SFMBT1: variants seen among roughly 807,000 people sequenced by gnomAD.
The protein encoded by SFMBT1 is scm-like with four MBT domains protein 1.
Under a neutral mutation model 108.7 loss-of-function variants are expected in SFMBT1, and 32 were observed. That is an observed-to-expected ratio of 0.29 (90% CI 0.22 to 0.40). The LOEUF is 0.40. Among genes scored for constraint, SFMBT1 ranks in the 10% least tolerant of loss-of-function variants. The probability of loss-of-function intolerance (pLI) is 1.00; values close to 1 mark genes in which losing one functional copy is unlikely to be tolerated. For missense variants in SFMBT1, 816 were observed against 1,059.6 expected (o/e 0.77, Z 3.19); for synonymous variants, 348 against 369.5 (o/e 0.94, Z 0.67).
intron 12 of SFMBT1, among the ~76,000 whole-genome samples, chr3:52,919,459 G>T (rs374560550): frequency 1.3e-5 from 2 of 152,188 alleles, no homozygotes; most frequent in African/African-American, 4.8e-5. Context: ...GAAATGTCTA[G>T]AACAGGCAAA....
At chr3:52,972,399 T>C (rs1341896341) in intron 1 of SFMBT1, among the ~76,000 whole-genome samples, 2 of 152,206 alleles carry the variant, frequency 1.3e-5, no homozygotes, top group African/African-American at 4.8e-5. Context: ...TCTTCTGCTG[T>C]GGAACATCTG....
Position 52,918,527 on chromosome 3 carries a change from C to A in SFMBT1, c.1373-1G>T. 1 of 1,531,948 alleles carries A rather than the reference C, an allele frequency of 6.5e-7. No homozygotes were observed. The highest frequency in any genetic ancestry group is 2.4e-5 in the East Asian group (1 of 42,240). The allele number at this position is 1,531,948 out of a possible 1,614,324, so 94.9% of individuals were successfully genotyped here. A position where few individuals can be genotyped will look rare whatever the true frequency, so the allele number is the denominator to read the frequency against. ...ACTGCAATTTTCCTCTGTTTATATACTGTAGAAAGAAAAAAATATATAAAT... is the reference window on the plus strand; with the variant it reads ...ACTGCAATTTTCCTCTGTTTATATAATGTAGAAAGAAAAAAATATATAAAT... On this transcript the variant is annotated splice_acceptor_variant, in intron 12 of 20. Transcript: ENST00000394752. LOFTEE classifies it high-confidence loss of function.
intron 1 of SFMBT1, among the ~76,000 whole-genome samples, chr3:53,012,527 C>T (rs1048859879): frequency 1.3e-5 from 2 of 152,030 alleles, no homozygotes; most frequent in Non-Finnish European, 2.9e-5. Flanking sequence ...CTCAGCCTCC[C>T]GAGTAGCTGG....
At chr3:53,045,502 G>C (rs1700202092) in intron 1 of SFMBT1, among the ~76,000 whole-genome samples, 1 of 143,792 alleles carries the variant, frequency 7.0e-6, no homozygotes, top group Admixed American at 6.9e-5. Flanking sequence ...GCCTGCCAGG[G>C]GCTGACGGCC....
At chr3:52,999,216 C>A (rs1199347091) in intron 1 of SFMBT1, among the ~76,000 whole-genome samples, 1 of 150,816 alleles carries the variant, frequency 6.6e-6, no homozygotes, top group Non-Finnish European at 1.5e-5. Flanking sequence ...CGACTGGCTG[C>A]TGGGTCAAGG....
intron 14 of SFMBT1, among the ~76,000 whole-genome samples, chr3:52,915,649 AAGGCTTGAACCTCC>A (rs1302175962): frequency 3.3e-5 from 5 of 152,214 alleles, no homozygotes; most frequent in African/African-American, 1.2e-4. Context: ...CCCTGGACAA[AAGGCTTGAACCTCC>A]AGCAAGGATT....
intron 4 of SFMBT1, among the ~76,000 whole-genome samples, chr3:52,942,360 C>A (rs1703211250): frequency 6.6e-6 from 1 of 152,054 alleles, no homozygotes; most frequent in Admixed American, 6.5e-5. Flanking sequence ...GCAGTGGAGA[C>A]AAGATAAAGT....
chr3:52,921,963 C>T (rs1400402842), intron 10 of SFMBT1, 132 bp from the exon 11 acceptor site: 1 of 932,016 alleles, frequency 1.1e-6, no homozygotes. Flanking sequence ...CATTGTTTTG[C>T]TTTTTAATGA....
chr3:52,954,351 C>A lies in SFMBT1; in HGVS notation c.89G>T (p.Gly30Val), dbSNP rs746062679. ...LSWEDYLEET[G>V]STAVPYGSFK... ...AGACCCATAGGGAACTGCTGTGGAC[C>A]CTGTTTCTTCTAGATAATCTTCCCA... The change falls in exon 3 of 21, where the codon GGG becomes GTG. Residue 30 changes from glycine to valine, a missense_variant. Gly to Val is a moderately radical substitution (Grantham distance 109, BLOSUM62 -3). Around this residue, in one of 5 missense-constraint regions of SFMBT1, gnomAD observed 495 missense variants for 607.4 expected, o/e 0.81. Coordinates refer to ENST00000394752, the MANE Select transcript of SFMBT1 (RefSeq NM_016329.4). 8 of 1,613,714 alleles carry A rather than the reference C, an allele frequency of 5.0e-6. No individual in the cohort carries two copies. The highest frequency in any genetic ancestry group is 3.3e-4 in the Middle Eastern group (2 of 6,060).
chr3:52,958,667 C>T (rs1703863688), intron 2 of SFMBT1, among the ~76,000 whole-genome samples: 1 of 152,142 alleles, frequency 6.6e-6, no homozygotes, highest in African/African-American at 2.4e-5. Flanking sequence ...AACACTTTTA[C>T]ACTGTTGGTG....
intron 12 of SFMBT1, among the ~76,000 whole-genome samples, chr3:52,920,103 C>A (rs764023869): frequency 6.6e-6 from 1 of 152,238 alleles, no homozygotes; most frequent in Non-Finnish European, 1.5e-5. Flanking sequence ...AATCTGCCAA[C>A]GCCTGGATCT....
chr3:52,972,529 TATTAA>T (rs1704378897), intron 1 of SFMBT1, among the ~76,000 whole-genome samples: 2 of 152,324 alleles, frequency 1.3e-5, no homozygotes, highest in African/African-American at 4.8e-5. Context: ...TTCCTGTTCA[TATTAA>T]ATTGTCTTAC....
At chr3:53,036,654 C>G (rs1699879286) in intron 1 of SFMBT1, among the ~76,000 whole-genome samples, 1 of 152,216 alleles carries the variant, frequency 6.6e-6, no homozygotes, top group South Asian at 2.1e-4. Flanking sequence ...TAGAGGAGCA[C>G]AGGAGCTAGA....
At chr3:53,000,561 A>C (rs1698511981) in intron 1 of SFMBT1, among the ~76,000 whole-genome samples, 1 of 149,952 alleles carries the variant, frequency 6.7e-6, no homozygotes, top group Non-Finnish European at 1.5e-5. Context: ...ATAAATACAT[A>C]TATATGCCTA....
At chr3:53,040,957 A>C (rs1700024024) in intron 1 of SFMBT1, among the ~76,000 whole-genome samples, 1 of 120,616 alleles carries the variant, frequency 8.3e-6, no homozygotes, top group Non-Finnish European at 1.8e-5. Flanking sequence ...GGCATGCACC[A>C]AGACACCTGA....
chr3:52,943,235 A>C, intron 4 of SFMBT1, 118 bp downstream of exon 4: 2 of 1,196,904 alleles, frequency 1.7e-6, no homozygotes, highest in Non-Finnish European at 2.4e-6. Flanking sequence ...CAAAATGCTA[A>C]CCTAGAAAAG....
At chr3:52,979,513 T>C (rs76239534) in intron 1 of SFMBT1, among the ~76,000 whole-genome samples, 3 of 152,318 alleles carry the variant, frequency 2.0e-5, no homozygotes, top group East Asian at 3.9e-4. Context: ...GAGGTTTTCA[T>C]GGGACAGACC....
intron 1 of SFMBT1, among the ~76,000 whole-genome samples, chr3:53,035,080 G>T (rs998945003): frequency 6.6e-6 from 1 of 152,248 alleles, no homozygotes; most frequent in Non-Finnish European, 1.5e-5. Flanking sequence ...GGATTTACAG[G>T]AGAGTGGGTT....
At chr3:52,983,630 G>A (rs934346838) in intron 1 of SFMBT1, among the ~76,000 whole-genome samples, 1 of 152,238 alleles carries the variant, frequency 6.6e-6, no homozygotes, top group African/African-American at 2.4e-5. Flanking sequence ...AACAACACCA[G>A]AGGGAAATGA....
Sources: gnomAD v4.1 joint callset for allele counts (sites outside exome capture counted in the v4.1 genomes callset) on GRCh38, gnomAD v4.1.1 for gene constraint, gnomAD v4.1.1 regional missense constraint, MANE v1.5 for transcripts, NCBI Gene and HGNC (gene_info 2026-07-23, HGNC 2026-07-21) for gene names.